The following LRP1 variants were observed in gnomAD, a reference collection of about 807,000 sequenced individuals.
LRP1 encodes prolow-density lipoprotein receptor-related protein 1.
In LRP1, 51 loss-of-function variants were observed where a neutral mutation model predicts 541.5. That is an observed-to-expected ratio of 0.09 (90% CI 0.08 to 0.12). The LOEUF (loss-of-function observed/expected upper bound fraction) is 0.12, where lower values mean the gene tolerates loss of function less well. Among genes scored for constraint, LRP1 ranks in the 10% least tolerant of loss-of-function variants. LRP1 has a pLI of 1.00. For synonymous variants in LRP1, 2,219 were observed against 2,470.8 expected (o/e 0.90, Z 3.02); for missense variants, 3,878 against 6,376.2 (o/e 0.61, Z 13.34).
chr12:57,193,400 C>A, intron 46 of LRP1, 96 bp downstream of exon 46: 1 of 1,538,986 alleles, frequency 6.5e-7, no homozygotes, highest in Non-Finnish European at 8.8e-7. Flanking sequence ...CAGGACCCAG[C>A]TTCCTGACCA....
rs1474160918 is a variant in LRP1, at chr12:57,169,234, G to A, written c.3090G>A (p.Glu1030=). ...FKCNSGRCIP[E]HWTCDGDNDC... ...GCAACAGCGGGCGTTGCATCCCCGAGCACTGGACCTGCGATGGGGACAATG... is the reference window on the plus strand; with the variant it reads ...GCAACAGCGGGCGTTGCATCCCCGAACACTGGACCTGCGATGGGGACAATG... Residue 1030 remains glutamate, a synonymous_variant, in exon 20 of 89, where the codon GAG becomes GAA. Coordinates refer to ENST00000243077, the MANE Select transcript of LRP1 (RefSeq NM_002332.3). 1.2e-6 allele frequency: 2 copies of A among 1,613,966 alleles called. No individual in the cohort carries two copies.
intron 1 of LRP1, among the ~76,000 whole-genome samples, chr12:57,130,926 C>T (rs2035025595): frequency 6.6e-6 from 1 of 152,168 alleles, no homozygotes; most frequent in African/African-American, 2.4e-5. Flanking sequence ...CAAACACACA[C>T]CAATATTTCT....
intron 82 of LRP1, 100 bp from the exon 83 acceptor site, chr12:57,210,618 A>G (rs2036889993): frequency 6.9e-7 from 1 of 1,455,404 alleles, no homozygotes; most frequent in Non-Finnish European, 9.3e-7. Flanking sequence ...CAGTCACTCC[A>G]GTCTCTGCTT....
In LRP1 at chr12:57,179,189, GC is replaced by G; in HGVS notation, c.4739-139del. The G allele has an allele frequency of 1.7e-6, 2 of 1,172,370 alleles. No individual in the cohort carries two copies. Among genetic ancestry groups the G allele is most frequent in the Non-Finnish European group, 2.4e-6 (2 of 828,284 alleles). 72.6% of individuals were successfully genotyped at this position (1,172,370 alleles called of 1,614,324 possible). On this transcript the variant is annotated intron_variant, in intron 28 of 88. Transcript: ENST00000243077. This position sits in a 1 kb window ranked among gnomAD's most constrained non-coding sequence, Gnocchi z 6.8. ...AAGGGGCTGCAGGTCTGCCAGGGGG[GC>G]TGCACCCAGCGGGGTATGTCCACGG...
chr12:57,170,570 A>G (rs1209871915), intron 20 of LRP1, among the ~76,000 whole-genome samples: 1 of 152,188 alleles, frequency 6.6e-6, no homozygotes, highest in African/African-American at 2.4e-5. Flanking sequence ...CTGTAATCCT[A>G]TCACTTTGGG....
chr12:57,199,940 G>A lies in LRP1; in HGVS notation c.9929G>A (p.Gly3310Glu), dbSNP rs369454885. ...GCSNLCLLSP[G>E]GGHKCACPTN... is the part of the protein sequence containing the mutation. ...AGCAACCTGTGCCTGCTGTCCCCCG[G>A]GGGAGGGCACAAATGTGCCTGCCCC... The change falls in exon 62 of 89, where the codon GGG (glycine) becomes GAG (glutamate). Residue 3310 changes from glycine (G) to glutamate (E), a missense_variant. Gly to Glu is a moderately conservative substitution (Grantham distance 98). Transcript: ENST00000243077. The A allele has an allele frequency of 6.3e-7, 1 of 1,595,486 alleles. No individual in the cohort carries two copies. Among genetic ancestry groups the A allele is most frequent in the Non-Finnish European group, 8.5e-7 (1 of 1,173,400 alleles).
In LRP1 at chr12:57,183,319, A is replaced by T; in HGVS notation, c.5663-60A>T. ...AAGCAGAGAACAGTTGGAGGGTGAC[A>T]GGAACCAAGTTTAAGGGAGTGTTGG... is the stretch of plus-strand genomic sequence containing the variant. On this transcript the variant is annotated intron_variant, in intron 34 of 88. Coordinates refer to ENST00000243077, the MANE Select transcript of LRP1 (RefSeq NM_002332.3). This position sits in a 1 kb window ranked among gnomAD's most constrained non-coding sequence, Gnocchi z 6.1. The T allele has an allele frequency of 6.4e-7, 1 of 1,556,986 alleles. No homozygotes were observed. Among genetic ancestry groups the T allele is most frequent in the Non-Finnish European group, 8.8e-7 (1 of 1,142,598 alleles).
intron 44 of LRP1, among the ~76,000 whole-genome samples, chr12:57,192,275 A>G (rs1266858690): frequency 6.6e-6 from 1 of 151,744 alleles, no homozygotes; most frequent in Non-Finnish European, 1.5e-5. Context: ...CCTTCCCACC[A>G]AGGCATCTAC....
In LRP1 at chr12:57,173,201, A is replaced by C; in HGVS notation, c.3197A>C (p.Glu1066Ala). ...CCCCCTGGTGGCTGCCACACTGATGAGTTCCAGTGCCGGCTGGATGGACTA... is the reference window on the plus strand; with the variant it reads ...CCCCCTGGTGGCTGCCACACTGATGCGTTCCAGTGCCGGCTGGATGGACTA... ...TRPPGGCHTD[E>A]FQCRLDGLCI... Residue 1066 changes from glutamate (E) to alanine (A), a missense_variant, in exon 21 of 89, where the codon GAG (glutamate) becomes GCG (alanine). This residue lies in a region of LRP1 where 320 missense variants were observed against 547.9 expected (regional missense o/e 0.58). Transcript: ENST00000243077. The surrounding 1 kb of genome is among the most constrained non-coding windows in gnomAD (Gnocchi z 4.7). 1 of 1,613,190 alleles carries C rather than the reference A, an allele frequency of 6.2e-7. No individual in the cohort carries two copies. The highest frequency in any genetic ancestry group is 8.5e-7 in the Non-Finnish European group (1 of 1,179,538).
rs2036631115 is a variant in LRP1 at position 57,200,682 on chromosome 12, G to A, written c.10109-17G>A. On this transcript the variant is annotated splice_polypyrimidine_tract_variant and intron_variant, in intron 63 of 88. Coordinates refer to ENST00000243077, the MANE Select transcript of LRP1 (RefSeq NM_002332.3). ...TCCACCCCAGCCGCTCTGACTCTGA[G>A]CCTCCCTCTCTGGCAGCTGAGTTCA... 6.2e-7 allele frequency: 1 copy of A among 1,608,864 alleles called. No homozygotes were observed. The highest frequency in any genetic ancestry group is 1.3e-5 in the African/African-American group (1 of 74,814).
chr12:57,133,932 G>A (rs879618208), intron 1 of LRP1, among the ~76,000 whole-genome samples: 3 of 151,936 alleles, frequency 2.0e-5, no homozygotes, highest in Non-Finnish European at 4.4e-5. Flanking sequence ...GTTGGACTTC[G>A]CTGTCACCCT....
intron 83 of LRP1, 53 bp downstream of exon 83, chr12:57,210,932 C>T: frequency 6.3e-7 from 1 of 1,575,288 alleles, no homozygotes; most frequent in Non-Finnish European, 8.6e-7. Context: ...ACGGGGGACC[C>T]CAGAGCATGG....
chr12:57,157,166 G>A (rs2035638558), intron 10 of LRP1, among the ~76,000 whole-genome samples: 1 of 152,218 alleles, frequency 6.6e-6, no homozygotes. Context: ...AGTGAGCAGT[G>A]AGCACTCACT....
chr12:57,194,306 G>A (rs1435749037), intron 48 of LRP1, 48 bp from the exon 49 acceptor site: 2 of 1,503,364 alleles, frequency 1.3e-6, no homozygotes, highest in South Asian at 2.7e-5. Flanking sequence ...CCCAGTCGGG[G>A]GTGATCCAGG....
chr12:57,202,717 T>C (rs2036683782), intron 68 of LRP1, 180 bp downstream of exon 68: 3 of 609,200 alleles, frequency 4.9e-6, no homozygotes, highest in Non-Finnish European at 8.9e-6. Flanking sequence ...TTTCACCTCA[T>C]CTCATGTTTC....
Position 57,184,244 on chromosome 12 carries a change from T to G in LRP1, c.6059+30T>G. ...GGAGCTGGAAAGACTGGCCTTGTCA[T>G]TCTGCCCATGGCCCATGCTGATGAG... On this transcript the variant is annotated intron_variant, in intron 37 of 88. Transcript: ENST00000243077. This position sits in a 1 kb window ranked among gnomAD's most constrained non-coding sequence, Gnocchi z 7.8. The G allele has an allele frequency of 6.2e-7, 1 of 1,613,316 alleles. No individual in the cohort carries two copies. The highest frequency in any genetic ancestry group is 8.5e-7 in the Non-Finnish European group (1 of 1,179,354).
intron 2 of LRP1, among the ~76,000 whole-genome samples, chr12:57,140,592 A>G (rs1005252055): frequency 6.6e-6 from 1 of 152,114 alleles, no homozygotes; most frequent in South Asian, 2.1e-4. Context: ...TGGGCTACGT[A>G]TTGGGCAGTG....
chr12:57,154,600 C>T lies in LRP1; in HGVS notation c.1126C>T (p.Leu376=), dbSNP rs752590822. Residue 376 remains leucine (L), a synonymous_variant, in exon 8 of 89, where the codon CTG becomes TTG. Transcript: ENST00000243077. This position sits in a 1 kb window ranked among gnomAD's most constrained non-coding sequence, Gnocchi z 4.6. ...IVFPHGITLD[L]VSRLVYWADA... ...GTTTCCTCATGGCATCACGCTGGAC[C>T]TGGTCAGCCGCCTTGTCTACTGGGC... is the stretch of plus-strand genomic sequence containing the variant. 2.5e-6 allele frequency: 4 copies of T among 1,612,360 alleles called. No homozygotes were observed. The highest frequency in any genetic ancestry group is 3.4e-6 in the Non-Finnish European group (4 of 1,179,252).
At chr12:57,202,288 G>A in intron 67 of LRP1, 133 bp from the exon 68 acceptor site, 1 of 747,780 alleles carries the variant, frequency 1.3e-6, no homozygotes. Flanking sequence ...AACACCGCCT[G>A]GGCTCCCCGC....
Sources: gnomAD v4.1 joint callset for allele counts (sites outside exome capture counted in the v4.1 genomes callset) on GRCh38, gnomAD v4.1.1 for gene constraint, gnomAD v4.1.1 regional missense constraint, Gnocchi (gnomAD v3.1) non-coding constraint, MANE v1.5 for transcripts, NCBI Gene and HGNC (gene_info 2026-07-23, HGNC 2026-07-21) for gene names.